LRP2: variants seen among roughly 807,000 people sequenced by gnomAD.
LRP2 encodes low-density lipoprotein receptor-related protein 2.
In LRP2, 172 loss-of-function variants were observed where a neutral mutation model predicts 531.0. The ratio of observed to expected loss-of-function variants is 0.32; its 90% CI spans 0.29 to 0.37. The LOEUF (loss-of-function observed/expected upper bound fraction) is 0.37. Ranked by LOEUF, LRP2 falls within the 10% of genes least tolerant of loss-of-function variation. The pLI, the probability that LRP2 is intolerant of heterozygous loss-of-function variation, is 1.00. For synonymous variants in LRP2, 1,992 were observed against 2,027.6 expected (o/e 0.98, Z 0.47); for missense variants, 5,167 against 5,868.3 (o/e 0.88, Z 3.90).
At chr2:169,187,113 G>A (rs1002544840) in intron 49 of LRP2, among the ~76,000 whole-genome samples, 9 of 151,898 alleles carry the variant, frequency 5.9e-5, no homozygotes, top group Non-Finnish European at 1.2e-4. Flanking sequence ...TACATGTGCG[G>A]GATGTGCAAG....
chr2:169,201,140 C>T (rs1688189480), intron 44 of LRP2, among the ~76,000 whole-genome samples: 1 of 152,216 alleles, frequency 6.6e-6, no homozygotes, highest in Admixed American at 6.5e-5. Flanking sequence ...CAGGACAAAT[C>T]ACCTAATCTT....
intron 4 of LRP2, among the ~76,000 whole-genome samples, chr2:169,296,792 T>C (rs2105475847): frequency 6.6e-6 from 1 of 152,280 alleles, no homozygotes; most frequent in East Asian, 1.9e-4. Flanking sequence ...ATTAAAACTG[T>C]AACCACTGAC....
chr2:169,317,804 T>TTG (rs3836049), intron 3 of LRP2, among the ~76,000 whole-genome samples: 2 of 69,224 alleles, frequency 2.9e-5, no homozygotes, highest in Non-Finnish European at 3.0e-5. Context: ...AGGCCAGTCA[T>TTG]GGGGGGGTCA....
chr2:169,322,353 T>C (rs191678991), intron 1 of LRP2, among the ~76,000 whole-genome samples: 2 of 152,348 alleles, frequency 1.3e-5, no homozygotes, highest in Admixed American at 6.5e-5. Context: ...ATTTATAATG[T>C]ATGCTGCAAA....
intron 62 of LRP2, 95 bp from the exon 63 acceptor site, chr2:169,162,695 A>G: frequency 7.7e-7 from 1 of 1,302,900 alleles, no homozygotes; most frequent in Non-Finnish European, 1.1e-6. Context: ...TACCAAATAA[A>G]CAAGTGCTTC....
chr2:169,357,340 T>C (rs1260272213), intron 1 of LRP2, among the ~76,000 whole-genome samples: 1 of 113,908 alleles, frequency 8.8e-6, no homozygotes, highest in Non-Finnish European at 1.9e-5. Context: ...TTTTATTTTA[T>C]TTTATTTTTG....
chr2:169,327,765 A>G (rs1259285788), intron 1 of LRP2, among the ~76,000 whole-genome samples: 2 of 120,022 alleles, frequency 1.7e-5, no homozygotes, highest in African/African-American at 3.3e-5. Flanking sequence ...TGGGGGGGTC[A>G]GCCCCCCGCC....
rs1559014 is a variant in LRP2 at position 169,362,337 on chromosome 2, C to G, written c.63G>C (p.Ala21=). The change falls in exon 1 of 79, where the codon GCG becomes GCC. Residue 21 remains alanine, a synonymous_variant. Coordinates refer to ENST00000649046, the MANE Select transcript of LRP2 (RefSeq NM_004525.3). ...TLLLALVACL[A]PASGQECDSA... ...GGCTCTTACCTTGGCCACTGGCCGG[C>G]GCTAGGCAGGCGACGAGAGCCAGGA... 1,564,403 of 1,567,598 alleles carry G rather than the reference C, an allele frequency of 1. 780,668 individuals carry two copies. The highest frequency in any genetic ancestry group is 1 in the East Asian group (41,960 of 41,962).
intron 47 of LRP2, among the ~76,000 whole-genome samples, chr2:169,193,477 C>T (rs571362192): frequency 6.7e-6 from 1 of 149,336 alleles, no homozygotes; most frequent in East Asian, 1.9e-4. Flanking sequence ...AAGGAGACAA[C>T]CAAGTATTTG....
intron 4 of LRP2, among the ~76,000 whole-genome samples, chr2:169,295,236 A>G (rs16856759): frequency 0.3 from 45,740 of 151,978 alleles, 7,204 homozygotes; most frequent in Admixed American, 0.44. Flanking sequence ...CTAAGCAGCT[A>G]TTTACTGTGA....
At chr2:169,294,116 C>A in intron 6 of LRP2, 32 bp downstream of exon 6, 2 of 1,462,232 alleles carry the variant, frequency 1.4e-6, no homozygotes, top group Non-Finnish European at 1.9e-6. Flanking sequence ...ACACTCCCAA[C>A]AACATGACCC....
chr2:169,297,849 G>A (rs115705225), intron 4 of LRP2, among the ~76,000 whole-genome samples: 4 of 152,192 alleles, frequency 2.6e-5, no homozygotes, highest in African/African-American at 7.2e-5. Flanking sequence ...ATCTTGACAG[G>A]AAGACTGCAG....
intron 1 of LRP2, among the ~76,000 whole-genome samples, chr2:169,335,284 A>G (rs1237910346): frequency 6.6e-6 from 1 of 152,228 alleles, no homozygotes; most frequent in Non-Finnish European, 1.5e-5. Context: ...GGAGTTTTAC[A>G]TGAAATACTG....
At chr2:169,217,707 C>T (rs564985094) in intron 34 of LRP2, among the ~76,000 whole-genome samples, 23 of 152,080 alleles carry the variant, frequency 1.5e-4, no homozygotes, top group Non-Finnish European at 3.1e-4. Flanking sequence ...GGATTCTCAT[C>T]CCTAGCAGAC....
chr2:169,327,876 AG>A (rs1559077802), intron 1 of LRP2, among the ~76,000 whole-genome samples: 2 of 424 alleles, frequency 4.7e-3, no homozygotes, highest in Non-Finnish European at 0.016. Flanking sequence ...CCGTCCGGGA[AG>A]GGAGGTGGGG....
At chr2:169,326,659 G>A (rs369402040) in intron 1 of LRP2, among the ~76,000 whole-genome samples, 5 of 152,056 alleles carry the variant, frequency 3.3e-5, no homozygotes, top group Non-Finnish European at 7.4e-5. Context: ...AGTGAGGAGC[G>A]TCTCTGCCTG....
intron 31 of LRP2, among the ~76,000 whole-genome samples, chr2:169,228,076 A>G (rs566589161): frequency 6.6e-5 from 10 of 152,314 alleles, no homozygotes; most frequent in Middle Eastern, 3.4e-3. Flanking sequence ...GCATCAGGTA[A>G]GTATTTCCCT....
At chr2:169,341,992 G>C (rs1685575438) in intron 1 of LRP2, among the ~76,000 whole-genome samples, 1 of 152,016 alleles carries the variant, frequency 6.6e-6, no homozygotes. Flanking sequence ...CCTGTGTATT[G>C]CAACGGTTTA....
At chr2:169,297,671 T>C (rs1216578329) in intron 4 of LRP2, among the ~76,000 whole-genome samples, 2 of 152,162 alleles carry the variant, frequency 1.3e-5, no homozygotes, top group African/African-American at 2.4e-5. Context: ...TTTTATATTT[T>C]TTCACTGTTA....
Sources: gnomAD v4.1 joint callset for allele counts (sites outside exome capture counted in the v4.1 genomes callset) on GRCh38, gnomAD v4.1.1 for gene constraint, MANE v1.5 for transcripts, NCBI Gene and HGNC (gene_info 2026-07-23, HGNC 2026-07-21) for gene names.